PEX5: variants seen among roughly 807,000 people sequenced by gnomAD.
PEX5 encodes the protein peroxisomal biogenesis factor 5.
Under a neutral mutation model 82.9 loss-of-function variants are expected in PEX5, and 52 were observed. That is an observed-to-expected ratio of 0.63 (90% confidence interval 0.50 to 0.79). The LOEUF (loss-of-function observed/expected upper bound fraction) is 0.79. PEX5 is among the 30% of genes least tolerant of loss of function. The pLI is 0.00. For missense variants in PEX5, 719 were observed against 815.2 expected (o/e 0.88, Z 1.44); for synonymous variants, 300 against 318.8 (o/e 0.94, Z 0.63).
chr12:7,193,245 T>C (rs1284174392), intron 5 of PEX5, among the ~76,000 whole-genome samples: 1 of 151,384 alleles, frequency 6.6e-6, no homozygotes, highest in African/African-American at 2.4e-5. Flanking sequence ...TTTTTTTTTT[T>C]TTTTTTTTGA....
At chr12:7,199,809 ACGGGGCGGC>A in intron 6 of PEX5, among the ~76,000 whole-genome samples, 9 of 144,346 alleles carry the variant, frequency 6.2e-5, no homozygotes, top group African/African-American at 7.7e-5. Flanking sequence ...CACCTTCTGG[ACGGGGCGGC>A]TGGCCGGGCG....
intron 5 of PEX5, among the ~76,000 whole-genome samples, chr12:7,192,202 A>G (rs1443797309): frequency 6.6e-6 from 1 of 152,232 alleles, no homozygotes; most frequent in Non-Finnish European, 1.5e-5. Flanking sequence ...CATGCTTTGA[A>G]TGCATTATCT....
At position 7,190,343 on chromosome 12, in the gene PEX5, A is replaced by G; in HGVS notation, c.-16-19A>G. ...GTCTGGCTTGGGTACCTCAGTTCCA[A>G]ACCTCCTGTGTCCATCAGAGAGCTG... On this transcript the variant is annotated intron_variant, in intron 1 of 15. Coordinates refer to ENST00000675855, the MANE Select transcript of PEX5 (RefSeq NM_001351132.2). 1 of 1,613,712 alleles carries G rather than the reference A, an allele frequency of 6.2e-7. No individual in the cohort carries two copies. Among genetic ancestry groups the G allele is most frequent in the Non-Finnish European group, 8.5e-7 (1 of 1,179,848 alleles).
downstream of PEX5, among the ~76,000 whole-genome samples, chr12:7,215,013 T>A (rs1945738932): frequency 1.3e-5 from 2 of 152,146 alleles, no homozygotes; most frequent in South Asian, 4.1e-4. Flanking sequence ...TTACTCAGAT[T>A]ATGCATTTGG....
In PEX5 at chr12:7,208,659, C is replaced by T. The variant is rs774709242; in HGVS notation, c.1384C>T (p.Leu462Phe). ...LGPSKRILGS[L>F]LSDSLFLEVK... ...CCCCAGCAAGCGTATCCTGGGATCT[C>T]TCTTGTCTGAGTGAGTATGAGGGGT... Residue 462 changes from leucine to phenylalanine, a missense_variant, in exon 13 of 16, where the codon CTC (leucine) becomes TTC (phenylalanine). Coordinates refer to ENST00000675855, the MANE Select transcript of PEX5 (RefSeq NM_001351132.2). 6.2e-6 allele frequency: 10 copies of T among 1,612,962 alleles called. No individual in the cohort carries two copies. In the East Asian group the frequency reaches 1.3e-4, roughly 22 times the overall value.
chr12:7,215,680 A>AG (rs1945757210), downstream of PEX5, among the ~76,000 whole-genome samples: 1 of 152,230 alleles, frequency 6.6e-6, no homozygotes, highest in Non-Finnish European at 1.5e-5. Flanking sequence ...TATAAGTGAC[A>AG]GCTAAACATT....
Position 7,191,209 on chromosome 12 carries a change from C to T in PEX5, c.184-17C>T. The T allele has an allele frequency of 6.2e-7, 1 of 1,614,170 alleles. No individual in the cohort carries two copies. The highest frequency in any genetic ancestry group is 1.1e-5 in the South Asian group (1 of 91,078). ...TCCCAAGCCTATGGGTTCATTTCAT[C>T]ATTTCCCTTCTGGCAGTTGGTGGCT... On this transcript the variant is annotated splice_polypyrimidine_tract_variant and intron_variant, in intron 3 of 15. Transcript: ENST00000675855.
chr12:7,202,127 C>T (rs1944148487), intron 7 of PEX5, 114 bp from the exon 8 acceptor site: 4 of 1,512,154 alleles, frequency 2.6e-6, no homozygotes, highest in Non-Finnish European at 3.7e-6. Flanking sequence ...CATATCTTGT[C>T]TGCAGCTAGA....
intron 17 of PEX5, among the ~76,000 whole-genome samples, chr12:7,217,770 C>A (rs1375276353): frequency 3.3e-5 from 5 of 152,218 alleles, no homozygotes; most frequent in Admixed American, 2.6e-4. Context: ...TACACCCAAG[C>A]TGGAAATGAC....
downstream of PEX5, among the ~76,000 whole-genome samples, chr12:7,213,296 T>TA (rs1174391691): frequency 6.6e-6 from 1 of 152,026 alleles, no homozygotes; most frequent in Non-Finnish European, 1.5e-5. Context: ...AGAACAAAGC[T>TA]GGAGGCATCA....
rs1428867436 is a variant in PEX5, at chr12:7,211,358, A to C, written c.*1135A>C. 1 of 148,226 alleles carries C rather than the reference A, an allele frequency of 6.7e-6. No individual in the cohort carries two copies. Among genetic ancestry groups the C allele is most frequent in the South Asian group, 2.2e-4 (1 of 4,604 alleles). 9.2% of individuals were successfully genotyped at this position (148,226 alleles called of 1,614,324 possible). On this transcript the variant is annotated 3_prime_UTR_variant, in exon 16 of 16. Coordinates refer to ENST00000675855, the MANE Select transcript of PEX5 (RefSeq NM_001351132.2). The stretch of plus-strand genomic sequence containing the variant: ...TAATGATCAGAGAGATTTTTTTTTT[A>C]AACTACCATGGTCCCAGGATTCCAT...
In PEX5 at chr12:7,210,158, G is replaced by A. The variant is rs1945378848; in HGVS notation, c.1855G>A (p.Ala619Thr). ...LALSMLGQSD[A>T]YGAADARDLS... ...ATTGTCTATGTTAGGCCAGAGCGAT[G>A]CCTATGGGGCAGCCGACGCGCGGGA... Residue 619 changes from alanine (A) to threonine (T), a missense_variant, in exon 16 of 16, where the codon GCC (alanine) becomes ACC (threonine). By Grantham distance (58) the Ala-to-Thr change is moderately conservative (BLOSUM62 0). Coordinates refer to ENST00000675855, the MANE Select transcript of PEX5 (RefSeq NM_001351132.2). The A allele has an allele frequency of 6.2e-7, 1 of 1,614,232 alleles. No homozygotes were observed.
intron 3 of PEX5, 28 bp from the exon 4 acceptor site, chr12:7,191,198 G>T (rs1484614444): frequency 1.9e-6 from 3 of 1,614,118 alleles, no homozygotes; most frequent in Non-Finnish European, 2.5e-6. Context: ...AAGCCTATGG[G>T]TTCATTTCAT....
intron 4 of PEX5, 22 bp from the exon 5 acceptor site, chr12:7,191,547 T>A: frequency 6.2e-7 from 1 of 1,613,528 alleles, no homozygotes; most frequent in South Asian, 1.1e-5. Flanking sequence ...TCTTTCTTAG[T>A]TTTCTCTCTC....
chr12:7,208,405 T>G (rs2136234538), intron 12 of PEX5, 52 bp from the exon 13 acceptor site: 2 of 1,384,608 alleles, frequency 1.4e-6, no homozygotes, highest in South Asian at 1.2e-5. Context: ...TGCTCACATG[T>G]GCCAGTGTCA....
chr12:7,196,479 A>ATATG (rs1324786358), intron 5 of PEX5, among the ~76,000 whole-genome samples: 5 of 108,782 alleles, frequency 4.6e-5, no homozygotes, highest in East Asian at 2.4e-4. Flanking sequence ...TAATAATTAC[A>ATATG]TCATATATAA....
rs751473717 is a variant in PEX5 at position 7,202,716 on chromosome 12, T to C, written c.846+12T>C. The C allele has an allele frequency of 1.3e-6, 2 of 1,592,098 alleles. No individual in the cohort carries two copies. Among genetic ancestry groups the C allele is most frequent in the South Asian group, 1.1e-5 (1 of 90,696 alleles). ...AGTCAGCTATAGAGGTGAGAGCAGA[T>C]AGTGCAGGAGCAGACACCCCAAAAG... On this transcript the variant is annotated intron_variant, in intron 9 of 15. Coordinates refer to ENST00000675855, the MANE Select transcript of PEX5 (RefSeq NM_001351132.2).
chr12:7,200,491 G>A (rs1178720653), intron 6 of PEX5, among the ~76,000 whole-genome samples: 1 of 151,994 alleles, frequency 6.6e-6, no homozygotes, highest in Non-Finnish European at 1.5e-5. Context: ...ATGGGGTGGC[G>A]GCCAGGCAGA....
At chr12:7,202,049 TG>T in intron 7 of PEX5, 191 bp from the exon 8 acceptor site, 4 of 865,238 alleles carry the variant, frequency 4.6e-6, no homozygotes, top group Middle Eastern at 3.3e-4. Flanking sequence ...TTTTTTCTGA[TG>T]CCTTTGCAAG....
Sources: gnomAD v4.1 joint callset for allele counts (sites outside exome capture counted in the v4.1 genomes callset) on GRCh38, gnomAD v4.1.1 for gene constraint, MANE v1.5 for transcripts, NCBI Gene and HGNC (gene_info 2026-07-23, HGNC 2026-07-21) for gene names.